Variants in FRYL observed in about 807,000 individuals in gnomAD.
FRYL encodes the protein FRY like transcription coactivator, also known as protein furry homolog-like.
FRYL carries 150 observed loss-of-function variants against 351.2 expected under a neutral mutation model. The ratio of observed to expected loss-of-function variants is 0.43; its 90% CI spans 0.37 to 0.49. The LOEUF is 0.49. FRYL is among the 20% of genes least tolerant of loss of function. The pLI, the probability that FRYL is intolerant of heterozygous loss-of-function variation, is 0.00. For missense variants in FRYL, 3,036 were observed against 3,619.3 expected (o/e 0.84, Z 4.13); for synonymous variants, 1,153 against 1,257.1 (o/e 0.92, Z 1.75).
At chr4:48,544,155 A>G (rs949661627) in intron 43 of FRYL, among the ~76,000 whole-genome samples, 158 bp from the exon 44 acceptor site, 3 of 152,166 alleles carry the variant, frequency 2.0e-5, no homozygotes, top group Admixed American at 2.0e-4. Context: ...CTCCATTTGC[A>G]TTTTAGATGA....
chr4:48,706,750 G>A (rs1767403924), intron 2 of FRYL, among the ~76,000 whole-genome samples: 1 of 152,092 alleles, frequency 6.6e-6, no homozygotes, highest in South Asian at 2.1e-4. Flanking sequence ...CATCTTGGAT[G>A]CCCTCTCTCC....
intron 59 of FRYL, among the ~76,000 whole-genome samples, chr4:48,508,751 T>C (rs1430837314): frequency 6.6e-6 from 1 of 152,164 alleles, no homozygotes; most frequent in Non-Finnish European, 1.5e-5. Flanking sequence ...CATGGCCTCA[T>C]CTTCCAGCAG....
chr4:48,746,359 G>A (rs1171183979), intron 1 of FRYL, among the ~76,000 whole-genome samples: 2 of 151,960 alleles, frequency 1.3e-5, no homozygotes, highest in African/African-American at 2.4e-5. Flanking sequence ...GAGGTCAGGA[G>A]ATCGAGACCA....
At chr4:48,647,696 T>C (rs1166340124) in intron 3 of FRYL, among the ~76,000 whole-genome samples, 1 of 152,164 alleles carries the variant, frequency 6.6e-6, no homozygotes, top group Admixed American at 6.6e-5. Flanking sequence ...AGCAGGCCCA[T>C]GACTCTAAAT....
Position 48,557,355 on chromosome 4 carries a change from G to T in FRYL, c.4125+98C>A. On this transcript the variant is annotated intron_variant, in intron 34 of 63. Transcript: ENST00000358350. ...CTTTTTTAAAGAAAGATATTTGTTT[G>T]GTTATCACAGGATTATGGAACCTCT... The T allele has an allele frequency of 1.4e-6, 2 of 1,446,594 alleles. 1 individual carries two copies. Among genetic ancestry groups the T allele is most frequent in the Middle Eastern group, 3.7e-4 (2 of 5,412 alleles). The allele number at this position is 1,446,594 out of a possible 1,614,324, so 89.6% of individuals were successfully genotyped here.
intron 47 of FRYL, among the ~76,000 whole-genome samples, chr4:48,538,958 T>C (rs1406697079): frequency 1.3e-5 from 2 of 152,204 alleles, no homozygotes; most frequent in Admixed American, 6.5e-5. Context: ...CAGTTCCTTA[T>C]TGTTCTTGAG....
intron 3 of FRYL, among the ~76,000 whole-genome samples, chr4:48,661,771 A>G (rs998004902): frequency 1.2e-4 from 18 of 152,220 alleles, no homozygotes; most frequent in African/African-American, 4.3e-4. Flanking sequence ...AATAGAGTAG[A>G]CCTAGAAATG....
chr4:48,758,664 A>G (rs954351787), intron 1 of FRYL, among the ~76,000 whole-genome samples: 3 of 152,230 alleles, frequency 2.0e-5, no homozygotes, highest in African/African-American at 7.2e-5. Context: ...ATTGTGGAAG[A>G]CAGTGTGGCG....
chr4:48,499,280 G>C lies in FRYL; in HGVS notation c.*142C>G. On this transcript the variant is annotated 3_prime_UTR_variant, in exon 64 of 64. Coordinates refer to ENST00000358350, the MANE Select transcript of FRYL (RefSeq NM_015030.2). ...TTTTTTCTTTCAGATCTTTGTTTTT[G>C]ATGATACAGTTTGACATTAGTTACA... 1.5e-6 allele frequency: 1 copy of C among 686,634 alleles called. No individual in the cohort carries two copies. Among genetic ancestry groups the C allele is most frequent in the Non-Finnish European group, 2.5e-6 (1 of 403,128 alleles). 42.5% of individuals were successfully genotyped at this position (686,634 alleles called of 1,614,324 possible).
Position 48,499,648 on chromosome 4 carries a change from C to G in FRYL, c.8816G>C (p.Cys2939Ser), listed in dbSNP as rs1485019763. Residue 2939 changes from cysteine to serine, a missense_variant, in exon 64 of 64, where the codon TGT becomes TCT. Coordinates refer to ENST00000358350, the MANE Select transcript of FRYL (RefSeq NM_015030.2). The stretch of plus-strand genomic sequence containing the variant: ...CAGTGTCTGTACAGGGTCATCTTCA[C>G]AACTGCCAAAGATATCACTGGGCCA... Reference protein sequence around the residue: ...SLWPSDIFGSCEDDPVQTLLH... With the variant: ...SLWPSDIFGSSEDDPVQTLLH... 6 of 1,613,924 alleles carry G rather than the reference C, an allele frequency of 3.7e-6. No homozygotes were observed. Among genetic ancestry groups the G allele is most frequent in the Admixed American group, 3.3e-5 (2 of 60,002 alleles).
chr4:48,592,558 AAT>A (rs1251689916), intron 16 of FRYL, among the ~76,000 whole-genome samples: 55 of 152,186 alleles, frequency 3.6e-4, no homozygotes, highest in Admixed American at 2.6e-4. Context: ...AAATTTATTC[AAT>A]AGAGTGAATA....
At chr4:48,771,001 T>A (rs1450134126) in intron 1 of FRYL, among the ~76,000 whole-genome samples, 1 of 152,216 alleles carries the variant, frequency 6.6e-6, no homozygotes, top group Non-Finnish European at 1.5e-5. Context: ...TTTTTTGTTA[T>A]TTCCTTTCAA....
At chr4:48,512,752 C>T (rs1320919074) in intron 56 of FRYL, 64 bp from the exon 57 acceptor site, 3 of 1,175,026 alleles carry the variant, frequency 2.6e-6, no homozygotes, top group East Asian at 2.4e-5. Flanking sequence ...GGCTCAATCA[C>T]GTAAGACAGC....
chr4:48,689,989 CG>C (rs1401180042), intron 2 of FRYL, among the ~76,000 whole-genome samples: 11 of 151,056 alleles, frequency 7.3e-5, no homozygotes, highest in African/African-American at 2.2e-4. Context: ...CTCCGCCTCC[CG>C]GGTTCAAGCC....
chr4:48,622,704 T>A (rs959828255), intron 5 of FRYL, among the ~76,000 whole-genome samples: 3 of 152,084 alleles, frequency 2.0e-5, no homozygotes, highest in African/African-American at 7.2e-5. Context: ...CAACATTTAA[T>A]CCAAGCAAGA....
At chr4:48,522,493 T>C (rs1184323151) in intron 54 of FRYL, among the ~76,000 whole-genome samples, 1 of 152,220 alleles carries the variant, frequency 6.6e-6, no homozygotes, top group African/African-American at 2.4e-5. Flanking sequence ...GCAGCTTTCA[T>C]TTTCCACTGA....
chr4:48,563,086 C>A, intron 31 of FRYL, 98 bp from the exon 32 acceptor site: 3 of 695,898 alleles, frequency 4.3e-6, no homozygotes, highest in Non-Finnish European at 2.5e-6. Flanking sequence ...TTATAGGCAT[C>A]TATCTTCTAA....
intron 3 of FRYL, among the ~76,000 whole-genome samples, chr4:48,635,230 A>G (rs1044074826): frequency 2.0e-5 from 3 of 152,214 alleles, no homozygotes; most frequent in East Asian, 1.9e-4. Flanking sequence ...AGTGGAAAGC[A>G]TTAATATGGA....
chr4:48,612,285 G>C (rs559453471), intron 7 of FRYL, among the ~76,000 whole-genome samples: 21 of 151,100 alleles, frequency 1.4e-4, no homozygotes, highest in African/African-American at 5.1e-4. Context: ...TATTTTCTTC[G>C]AGGCATCCAT....
Sources: gnomAD v4.1 joint callset for allele counts (sites outside exome capture counted in the v4.1 genomes callset) on GRCh38, gnomAD v4.1.1 for gene constraint, MANE v1.5 for transcripts, NCBI Gene and HGNC (gene_info 2026-07-23, HGNC 2026-07-21) for gene names.